Variants in CCDC110 observed in about 807,000 individuals in gnomAD.
CCDC110 encodes coiled-coil domain-containing protein 110.
A neutral mutation model predicts 77.1 loss-of-function variants in CCDC110; 70 were observed. The observed-to-expected ratio is 0.91, with a 90% CI of 0.75 to 1.11. The LOEUF (loss-of-function observed/expected upper bound fraction) is 1.11. Among genes scored for constraint, CCDC110 ranks in the 50% least tolerant of loss-of-function variants. CCDC110 has a pLI of 0.00. For synonymous variants in CCDC110, 295 were observed against 312.5 expected (o/e 0.94, Z 0.59); for missense variants, 868 against 942.9 (o/e 0.92, Z 1.04).
intron 2 of CCDC110, among the ~76,000 whole-genome samples, chr4:185,466,191 T>C (rs752343818): frequency 1.2e-4 from 18 of 151,902 alleles, no homozygotes; most frequent in East Asian, 2.0e-4. Context: ...CTGGCTAACA[T>C]GGTGAAACCC....
At chr4:185,471,441 C>T (rs2095667500) in intron 1 of CCDC110, 3 of 416,652 alleles carry the variant, frequency 7.2e-6, no homozygotes, top group South Asian at 4.1e-5. Flanking sequence ...CACCCGAGGG[C>T]GCGCTGGGCG....
rs552907446 is a variant in CCDC110, at chr4:185,466,821, A to C, written c.116-3772T>G. The stretch of plus-strand genomic sequence containing the variant: ...GAATCACATAGTAGAAAGGGAGAAA[A>C]GCAATAATTCCGGACAATGAGGGAG... On this transcript the variant is annotated intron_variant, in intron 2 of 6. Transcript: ENST00000307588. Among the ~76,000 whole-genome samples, 153 of 152,220 alleles carry C rather than the reference A, an allele frequency of 1.0e-3. 1 individual carries two copies. Among genetic ancestry groups the C allele is most frequent in the African/African-American group, 3.6e-3 (150 of 41,540 alleles).
chr4:185,462,566 G>C, intron 4 of CCDC110, 77 bp downstream of exon 4: 1 of 1,089,114 alleles, frequency 9.2e-7, no homozygotes, highest in African/African-American at 1.5e-5. Flanking sequence ...TAATCCATTG[G>C]CTAGTGACCA....
In CCDC110 at chr4:185,457,359, C is replaced by T. The variant is rs532878732; in HGVS notation, c.2461+767G>A. The T allele has an allele frequency of 1.8e-5, 8 of 455,062 alleles. No individual in the cohort carries two copies. The East Asian group carries it at 4.2e-4, about 24-fold the overall frequency. 28.2% of individuals were successfully genotyped at this position (455,062 alleles called of 1,614,324 possible). On this transcript the variant is annotated intron_variant, in intron 6 of 6. Transcript: ENST00000307588. ...AGGAAAGGGCAGGCATCTTACTATC[C>T]GTTATAATACTCGGGTTTCTAAGCT...
In CCDC110 at chr4:185,459,725, G is replaced by T. The variant is rs1317534948; in HGVS notation, c.862C>A (p.Gln288Lys). The T allele has an allele frequency of 1.2e-6, 2 of 1,613,442 alleles. No individual in the cohort carries two copies. The highest frequency in any genetic ancestry group is 2.2e-5 in the South Asian group (2 of 91,022). The change falls in exon 6 of 7, where the codon CAG becomes AAG. Residue 288 changes from glutamine (Q) to lysine (K), a missense_variant. Coordinates refer to ENST00000307588, the MANE Select transcript of CCDC110 (RefSeq NM_152775.4). The part of the protein sequence containing the change: ...NGKYDMSPIH[Q>K]DKMNFIKEEN... Reference sequence around the variant, plus strand: ...TCCTTAATAAAGTTCATTTTATCCTGGTGAATAGGGGACATGTCATATTTA... The same window carrying T: ...TCCTTAATAAAGTTCATTTTATCCTTGTGAATAGGGGACATGTCATATTTA...
rs778845145 is a variant in CCDC110, at chr4:185,459,305, T to A, written c.1282A>T (p.Ile428Phe). Reference protein sequence around the residue: ...NSVTEQCVAKIQYLQNYLKES... With the variant: ...NSVTEQCVAKFQYLQNYLKES... Reference sequence around the variant, plus strand: ...TTTAGGTAATTCTGTAAGTACTGAATTTTTGCAACACACTGCTCAGTAACG... The same window carrying A: ...TTTAGGTAATTCTGTAAGTACTGAAATTTTGCAACACACTGCTCAGTAACG... The change falls in exon 6 of 7, where the codon ATT becomes TTT. Residue 428 changes from isoleucine to phenylalanine, a missense_variant. Ile to Phe is a conservative substitution (Grantham distance 21). Transcript: ENST00000307588. The A allele has an allele frequency of 6.2e-7, 1 of 1,613,174 alleles. No homozygotes were observed. The highest frequency in any genetic ancestry group is 8.5e-7 in the Non-Finnish European group (1 of 1,179,442).
At chr4:185,460,267 G>A (rs1187322609) in intron 5 of CCDC110, 29 bp from the exon 6 acceptor site, 2 of 1,502,232 alleles carry the variant, frequency 1.3e-6, no homozygotes, top group African/African-American at 2.8e-5. Context: ...CACTATAAAT[G>A]TATTGTCATT....
At chr4:185,449,307 G>A (rs2095624319) in intron 6 of CCDC110, among the ~76,000 whole-genome samples, 1 of 152,108 alleles carries the variant, frequency 6.6e-6, no homozygotes, top group African/African-American at 2.4e-5. Flanking sequence ...GATCGCTTGA[G>A]CCCAGGATTT....
chr4:185,455,829 G>A (rs1323340166), intron 6 of CCDC110, among the ~76,000 whole-genome samples: 2 of 152,052 alleles, frequency 1.3e-5, no homozygotes, highest in East Asian at 3.8e-4. Context: ...GTTGCAGTGA[G>A]CTGAGATTGT....
intron 6 of CCDC110, among the ~76,000 whole-genome samples, chr4:185,456,231 A>C (rs1353005550): frequency 6.6e-6 from 1 of 152,236 alleles, no homozygotes; most frequent in Non-Finnish European, 1.5e-5. Context: ...TTTAGAAATC[A>C]AGCAACTCAC....
At chr4:185,465,916 A>T (rs2095654814) in intron 2 of CCDC110, among the ~76,000 whole-genome samples, 2 of 152,162 alleles carry the variant, frequency 1.3e-5, no homozygotes, top group Non-Finnish European at 2.9e-5. Flanking sequence ...ATGAGGGATG[A>T]TGTCATTTAC....
At chr4:185,469,921 C>T (rs1403156374) in intron 2 of CCDC110, among the ~76,000 whole-genome samples, 1 of 152,168 alleles carries the variant, frequency 6.6e-6, no homozygotes, top group Non-Finnish European at 1.5e-5. Flanking sequence ...AGAGGGGCAA[C>T]TGGGGGTCCG....
Position 185,459,757 on chromosome 4 carries a change from C to T in CCDC110, c.830G>A (p.Arg277Lys). Reference sequence around the variant, plus strand: ...AGGGGACATGTCATATTTACCATTCCTGTGAACATCTGGATCAGTTTGTAA... The same window carrying T: ...AGGGGACATGTCATATTTACCATTCTTGTGAACATCTGGATCAGTTTGTAA... ...QTLQTDPDVH[R>K]NGKYDMSPIH... Residue 277 changes from arginine to lysine, a missense_variant, in exon 6 of 7, where the codon AGG becomes AAG. Arg to Lys is a conservative substitution (Grantham distance 26). Transcript: ENST00000307588. The T allele has an allele frequency of 1.2e-6, 2 of 1,613,676 alleles. No homozygotes were observed. Among genetic ancestry groups the T allele is most frequent in the Non-Finnish European group, 1.7e-6 (2 of 1,179,892 alleles).
intron 2 of CCDC110, chr4:185,470,510 G>T: frequency 2.9e-6 from 1 of 347,864 alleles, no homozygotes; most frequent in South Asian, 2.1e-5. Flanking sequence ...CAAGGATGCG[G>T]AACTCCCAGA....
At chr4:185,445,987 A>T (rs2095609787) in intron 6 of CCDC110, among the ~76,000 whole-genome samples, 1 of 152,056 alleles carries the variant, frequency 6.6e-6, no homozygotes, top group Non-Finnish European at 1.5e-5. Flanking sequence ...GATTACAGGC[A>T]TGCAACACCA....
In CCDC110 at chr4:185,470,900, G is replaced by A. The variant is rs77690701; in HGVS notation, c.115+45C>T. The A allele has an allele frequency of 4.4e-6, 6 of 1,369,298 alleles. No individual in the cohort carries two copies. The East Asian group carries it at 6.9e-5, about 16-fold the overall frequency. 84.8% of individuals were successfully genotyped at this position (1,369,298 alleles called of 1,614,324 possible). On this transcript the variant is annotated intron_variant, in intron 2 of 6. Transcript: ENST00000307588. ...CAGGTGGCACAGGCCAGATGCTGCC[G>A]CCTGTGTATAGTTAAAGGAGCCTTT...
chr4:185,448,336 A>G (rs1326382486), intron 6 of CCDC110, among the ~76,000 whole-genome samples: 1 of 152,150 alleles, frequency 6.6e-6, no homozygotes. Context: ...GCCCGGTCAG[A>G]AATACATTTT....
intron 6 of CCDC110, among the ~76,000 whole-genome samples, chr4:185,453,543 C>CTTTT (rs70962570): frequency 7.6e-6 from 1 of 130,948 alleles, no homozygotes; most frequent in Admixed American, 7.8e-5. Context: ...CACAGTCTTG[C>CTTTT]TTTTTTTTTT....
chr4:185,447,580 C>T (rs371995401), intron 6 of CCDC110, among the ~76,000 whole-genome samples: 5 of 152,226 alleles, frequency 3.3e-5, no homozygotes, highest in African/African-American at 4.8e-5. Context: ...TTGTATGTGT[C>T]ACTAGCGTTA....
Sources: gnomAD v4.1 joint callset for allele counts (sites outside exome capture counted in the v4.1 genomes callset) on GRCh38, gnomAD v4.1.1 for gene constraint, MANE v1.5 for transcripts, NCBI Gene and HGNC (gene_info 2026-07-23, HGNC 2026-07-21) for gene names.